The following ADAMTS17 variants were observed in gnomAD, a reference collection of about 807,000 sequenced individuals.
ADAMTS17 encodes the protein ADAM metallopeptidase with thrombospondin type 1 motif 17.
In ADAMTS17, 113 loss-of-function variants were observed where a neutral mutation model predicts 141.5. The observed-to-expected ratio is 0.80, with a 90% CI of 0.69 to 0.93. The LOEUF is 0.93. Ranked by LOEUF, ADAMTS17 falls within the 40% of genes least tolerant of loss-of-function variation. The pLI is 0.00. For missense variants in ADAMTS17, 1,659 were observed against 1,517.9 expected (o/e 1.09, Z -1.54); for synonymous variants, 768 against 630.6 (o/e 1.22, Z -3.27).
At chr15:100,034,269 G>A (rs965429355) in intron 18 of ADAMTS17, among the ~76,000 whole-genome samples, 2 of 152,252 alleles carry the variant, frequency 1.3e-5, no homozygotes, top group African/African-American at 4.8e-5. Context: ...GCTGGCAAGA[G>A]ACCATGGAGG....
intron 7 of ADAMTS17, among the ~76,000 whole-genome samples, chr15:100,233,415 C>T (rs965816670): frequency 3.9e-5 from 6 of 152,176 alleles, no homozygotes; most frequent in South Asian, 4.1e-4. Flanking sequence ...GAGTCACAAA[C>T]GGAACTGGAA....
At chr15:100,337,889 A>G (rs556451607) in intron 2 of ADAMTS17, among the ~76,000 whole-genome samples, 2 of 152,308 alleles carry the variant, frequency 1.3e-5, no homozygotes, top group East Asian at 3.9e-4. Flanking sequence ...GCCTGATTCC[A>G]ATTCCACTGG....
At chr15:100,300,576 T>G (rs1247817557) in intron 3 of ADAMTS17, among the ~76,000 whole-genome samples, 1 of 152,214 alleles carries the variant, frequency 6.6e-6, no homozygotes, top group Non-Finnish European at 1.5e-5. Context: ...CAAAGGAGCC[T>G]TGGGCTCCAC....
intron 8 of ADAMTS17, among the ~76,000 whole-genome samples, chr15:100,169,723 T>C (rs1438318700): frequency 6.6e-6 from 1 of 152,192 alleles, no homozygotes; most frequent in African/African-American, 2.4e-5. Context: ...TACTGTGAAC[T>C]GCATGCTCGA....
chr15:100,165,981 C>G (rs2039936916), intron 8 of ADAMTS17, among the ~76,000 whole-genome samples: 1 of 152,056 alleles, frequency 6.6e-6, no homozygotes, highest in East Asian at 1.9e-4. Context: ...AAAAGTCATT[C>G]TAATTTGAGA....
chr15:100,057,636 A>T (rs2032699424), intron 15 of ADAMTS17, among the ~76,000 whole-genome samples: 1 of 152,170 alleles, frequency 6.6e-6, no homozygotes, highest in African/African-American at 2.4e-5. Flanking sequence ...TCTCCTGGGA[A>T]CATGTTTTCC....
intron 18 of ADAMTS17, among the ~76,000 whole-genome samples, chr15:100,003,749 G>A (rs8027692): frequency 6.6e-6 from 1 of 152,096 alleles, no homozygotes; most frequent in East Asian, 1.9e-4. Context: ...TTCATGCCAA[G>A]AGAAAGAAGC....
intron 10 of ADAMTS17, among the ~76,000 whole-genome samples, chr15:100,147,071 G>C (rs2038942515): frequency 6.6e-6 from 1 of 152,020 alleles, no homozygotes; most frequent in African/African-American, 2.4e-5. Context: ...TGAAGTACTT[G>C]ATGTCTGTGA....
At chr15:100,036,007 C>A (rs764105571) in intron 18 of ADAMTS17, among the ~76,000 whole-genome samples, 12 of 152,162 alleles carry the variant, frequency 7.9e-5, no homozygotes, top group Non-Finnish European at 1.6e-4. Context: ...GAAAGAAAAT[C>A]CTTGACTCTC....
At position 100,134,669 on chromosome 15, in the gene ADAMTS17, T is replaced by A. The variant is rs192122570; in HGVS notation, c.1474-1354A>T. Among the ~76,000 whole-genome samples, 111 of 152,302 alleles carry A rather than the reference T, an allele frequency of 7.3e-4. 1 individual carries two copies. The highest frequency in any genetic ancestry group is 2.6e-3 in the African/African-American group (107 of 41,566). ...TGTGCTGTCTAAAATCAAACAGTTT[T>A]TAGAAGTTGAAGGGATAAAAATAAG... On this transcript the variant is annotated intron_variant, in intron 10 of 21. Coordinates refer to ENST00000268070, the MANE Select transcript of ADAMTS17 (RefSeq NM_139057.4).
chr15:99,997,246 A>T lies in ADAMTS17; in HGVS notation c.2796+139T>A. On this transcript the variant is annotated intron_variant, in intron 19 of 21. Transcript: ENST00000268070. This position sits in a 1 kb window ranked among gnomAD's most constrained non-coding sequence, Gnocchi z 4.7. Reference sequence around the variant, plus strand: ...CAGGCTGTTATCTGAGATGGAAATTAAGAACACATGAGCTATAACACAACT... The same window carrying T: ...CAGGCTGTTATCTGAGATGGAAATTTAGAACACATGAGCTATAACACAACT... The T allele has an allele frequency of 1.1e-6, 1 of 927,342 alleles. No individual in the cohort carries two copies. Among genetic ancestry groups the T allele is most frequent in the Non-Finnish European group, 1.7e-6 (1 of 577,956 alleles). 57.4% of individuals were successfully genotyped at this position (927,342 alleles called of 1,614,324 possible). A position where few individuals can be genotyped will look rare whatever the true frequency, so the allele number is the denominator to read the frequency against.
At chr15:100,110,214 T>A (rs1596460343) in intron 13 of ADAMTS17, among the ~76,000 whole-genome samples, 1 of 135,294 alleles carries the variant, frequency 7.4e-6, no homozygotes, top group Admixed American at 7.7e-5. Context: ...TCAGTATATA[T>A]ATATTTTTAT....
chr15:100,014,017 AT>A (rs1254749565), intron 18 of ADAMTS17, among the ~76,000 whole-genome samples: 3 of 151,266 alleles, frequency 2.0e-5, no homozygotes, highest in East Asian at 1.9e-4. Context: ...CTGGTCCTGG[AT>A]TTTTTTTTGT....
chr15:100,244,122 A>T (rs1459497868), intron 7 of ADAMTS17, among the ~76,000 whole-genome samples: 1 of 152,058 alleles, frequency 6.6e-6, no homozygotes, highest in Non-Finnish European at 1.5e-5. Flanking sequence ...GGCAGGCCAG[A>T]GAGAGCTTCT....
At chr15:100,298,931 G>A (rs2044923541) in intron 3 of ADAMTS17, among the ~76,000 whole-genome samples, 1 of 152,196 alleles carries the variant, frequency 6.6e-6, no homozygotes, top group Non-Finnish European at 1.5e-5. Context: ...GGTTTCTTCA[G>A]AGGGCCACGA....
At chr15:100,328,622 C>T (rs2045961353) in intron 3 of ADAMTS17, among the ~76,000 whole-genome samples, 1 of 152,322 alleles carries the variant, frequency 6.6e-6, no homozygotes. Context: ...ACACCCACCC[C>T]ACCCTGATTT....
chr15:100,088,724 A>T (rs946550895), intron 15 of ADAMTS17, among the ~76,000 whole-genome samples: 11 of 152,184 alleles, frequency 7.2e-5, no homozygotes, highest in Non-Finnish European at 1.0e-4. Flanking sequence ...AACCTGACAA[A>T]AACAAGAAAT....
At chr15:100,262,140 C>T (rs886889647) in intron 5 of ADAMTS17, among the ~76,000 whole-genome samples, 1 of 152,160 alleles carries the variant, frequency 6.6e-6, no homozygotes, top group African/African-American at 2.4e-5. Context: ...TGTGTGTGGG[C>T]TCACTGCTTA....
intron 7 of ADAMTS17, among the ~76,000 whole-genome samples, chr15:100,202,484 T>C (rs931194964): frequency 1.3e-5 from 2 of 152,172 alleles, no homozygotes; most frequent in Non-Finnish European, 2.9e-5. Flanking sequence ...GCACAAGACC[T>C]GTGTGTTTAT....
Sources: allele counts gnomAD v4.1 joint callset (sites outside exome capture counted in the v4.1 genomes callset), GRCh38; gene constraint gnomAD v4.1.1; non-coding constraint Gnocchi (gnomAD v3.1); transcripts MANE v1.5; gene names NCBI Gene and HGNC (gene_info 2026-07-23, HGNC 2026-07-21).